Variants in MYO5C observed in about 807,000 individuals in gnomAD.
The protein encoded by MYO5C is myosin VC, also known as unconventional myosin-Vc.
MYO5C carries 194 observed loss-of-function variants against 235.7 expected under a neutral mutation model. That is an observed-to-expected ratio of 0.82 (90% CI 0.73 to 0.93). The LOEUF (loss-of-function observed/expected upper bound fraction) is 0.93. MYO5C is among the 40% of genes least tolerant of loss of function. The pLI is 0.00. For missense variants in MYO5C, 2,038 were observed against 2,127.2 expected, an observed-to-expected ratio of 0.96 and a Z score of 0.82; for synonymous variants, 707 against 754.8, an observed-to-expected ratio of 0.94 and a Z score of 1.04.
chr15:52,268,988 T>C (rs2036866264), intron 8 of MYO5C, among the ~76,000 whole-genome samples: 1 of 152,220 alleles, frequency 6.6e-6, no homozygotes, highest in Non-Finnish European at 1.5e-5. Flanking sequence ...GTTGTAGGGA[T>C]TGAATGAGTT....
chr15:52,243,593 A>G (rs55850227), intron 19 of MYO5C: 103,076 of 152,400 alleles, frequency 0.68, 38,625 homozygotes, highest in Non-Finnish European at 0.84. Flanking sequence ...AGGCTTGCAG[A>G]CGCAGCCTGA....
At chr15:52,216,906 G>A (rs183484240) in intron 32 of MYO5C, among the ~76,000 whole-genome samples, 1 of 152,308 alleles carries the variant, frequency 6.6e-6, no homozygotes, top group East Asian at 1.9e-4. Flanking sequence ...GCAGAGGCTG[G>A]AGTTACACTG....
At chr15:52,281,763 A>G (rs973311834) in intron 2 of MYO5C, among the ~76,000 whole-genome samples, 1 of 152,232 alleles carries the variant, frequency 6.6e-6, no homozygotes, top group African/African-American at 2.4e-5. Context: ...CGCTGTGTTC[A>G]TCTGCCTTCC....
Position 52,275,594 on chromosome 15 carries a change from C to G in MYO5C, c.574G>C (p.Asp192His). ...SKSGSNAHVE[D>H]KVLASNPITE... ...ATGGGATTGGATGCCAGGACCTTGTCTTCCACGTGAGCGTTGCTGCCCGAT... is the reference window on the plus strand; with the variant it reads ...ATGGGATTGGATGCCAGGACCTTGTGTTCCACGTGAGCGTTGCTGCCCGAT... Residue 192 changes from aspartate (D) to histidine (H), a missense_variant, in exon 5 of 41, where the codon GAC becomes CAC. Physicochemically the swap from Asp to His is moderately conservative, Grantham distance 81. Transcript: ENST00000261839. 2 of 1,614,228 alleles carry G rather than the reference C, an allele frequency of 1.2e-6. No homozygotes were observed. Among genetic ancestry groups the G allele is most frequent in the East Asian group, 4.5e-5 (2 of 44,888 alleles).
Position 52,246,934 on chromosome 15 carries a change from A to G in MYO5C, c.1962T>C (p.Asp654=). The G allele has an allele frequency of 6.2e-7, 1 of 1,613,924 alleles. No individual in the cohort carries two copies. Among genetic ancestry groups the G allele is most frequent in the Non-Finnish European group, 8.5e-7 (1 of 1,179,886 alleles). ...PHYVRCIKPN[D]EKLPFEFDSK... ...ACACTTACTCAAAGGGTAACTTCTC[A>G]TCATTTGGCTTGATGCATCGAACGT... is the stretch of plus-strand genomic sequence containing the variant. Residue 654 remains aspartate (D), a synonymous_variant, in exon 16 of 41, where the codon GAT becomes GAC. Coordinates refer to ENST00000261839, the MANE Select transcript of MYO5C (RefSeq NM_018728.4).
chr15:52,231,417 C>T (rs879158126), intron 24 of MYO5C, among the ~76,000 whole-genome samples: 1 of 152,166 alleles, frequency 6.6e-6, no homozygotes, highest in Admixed American at 6.5e-5. Flanking sequence ...CTCTCCAAGA[C>T]CCCTGCTTGA....
intron 35 of MYO5C, among the ~76,000 whole-genome samples, chr15:52,210,031 T>C (rs1390808062): frequency 6.6e-6 from 1 of 152,204 alleles, no homozygotes; most frequent in Non-Finnish European, 1.5e-5. Context: ...TGGTGTGATC[T>C]TGGCTTACTG....
intron 8 of MYO5C, among the ~76,000 whole-genome samples, chr15:52,266,117 A>G (rs2036805500): frequency 1.3e-5 from 2 of 152,254 alleles, no homozygotes. Context: ...TAAACCCCTT[A>G]AACTACTCCA....
In MYO5C at chr15:52,241,936, A is replaced by G. The variant is rs1158972995; in HGVS notation, c.2556+112T>C. 6.5e-6 allele frequency: 8 copies of G among 1,237,022 alleles called. No homozygotes were observed. The East Asian group carries it at 1.2e-4, about 18-fold the overall frequency. The allele number at this position is 1,237,022 out of a possible 1,614,324, so 76.6% of individuals were successfully genotyped here. Reference sequence around the variant, plus strand: ...GAATCTCCTTTCTGGCTTGGCTGACACTTTGTACAAAGTGAGGTTGCCCAT... The same window carrying G: ...GAATCTCCTTTCTGGCTTGGCTGACGCTTTGTACAAAGTGAGGTTGCCCAT... On this transcript the variant is annotated intron_variant, in intron 20 of 40. Coordinates refer to ENST00000261839, the MANE Select transcript of MYO5C (RefSeq NM_018728.4).
At chr15:52,245,815 C>T (rs1204772654) in intron 17 of MYO5C, 141 bp downstream of exon 17, 2 of 727,982 alleles carry the variant, frequency 2.7e-6, no homozygotes, top group Non-Finnish European at 4.7e-6. Context: ...TCTGGACTTC[C>T]ACAGGGCAGT....
intron 8 of MYO5C, among the ~76,000 whole-genome samples, chr15:52,266,689 A>T (rs117589434): frequency 6.6e-6 from 1 of 152,204 alleles, no homozygotes. Flanking sequence ...GGTAAGGTAT[A>T]TCTAAGCAGT....
chr15:52,228,109 G>T (rs2141296057), intron 25 of MYO5C, among the ~76,000 whole-genome samples: 1 of 152,032 alleles, frequency 6.6e-6, no homozygotes, highest in South Asian at 2.1e-4. Flanking sequence ...AATTGCCCAG[G>T]AATATTTATA....
chr15:52,244,418 G>T lies in MYO5C; in HGVS notation c.2328C>A (p.Phe776Leu). Residue 776 changes from phenylalanine to leucine, a missense_variant, in exon 19 of 41, where the codon TTC becomes TTA. Phe to Leu is a conservative substitution (Grantham distance 22). Transcript: ENST00000261839. ...TCAGGGCGGCTCGTCTCTCTCGGAG[G>T]AATTTTTTCCTCTGGAGCCAGCCAC... ...HMRGWLQRKK[F>L]LRERRAALII... The T allele has an allele frequency of 6.2e-7, 1 of 1,614,052 alleles. No homozygotes were observed. Among genetic ancestry groups the T allele is most frequent in the Non-Finnish European group, 8.5e-7 (1 of 1,180,016 alleles).
rs552078215 is a variant in MYO5C, at chr15:52,269,138, C to T, written c.940+615G>A. Among the ~76,000 whole-genome samples the T allele has an allele frequency of 2.6e-5, 4 of 152,310 alleles. No homozygotes were observed. In the East Asian group the frequency reaches 7.7e-4, roughly 29 times the overall value. On this transcript the variant is annotated intron_variant, in intron 8 of 40. Transcript: ENST00000261839. ...GTTCCACTTCTGAACCGAATTGGAC[C>T]TTGGCTTTACCAGTCATTCTTGTAC...
chr15:52,283,537 C>T (rs1445792935), intron 1 of MYO5C, among the ~76,000 whole-genome samples: 1 of 152,144 alleles, frequency 6.6e-6, no homozygotes, highest in African/African-American at 2.4e-5. Context: ...TTAGGTAGAA[C>T]CACGTTGCTG....
At chr15:52,238,985 CTT>C (rs564421776) in intron 21 of MYO5C, among the ~76,000 whole-genome samples, 212 of 131,462 alleles carry the variant, frequency 1.6e-3, no homozygotes, top group African/African-American at 6.0e-3. Flanking sequence ...GAGTTTTGCT[CTT>C]GTTGCCCAGG....
intron 30 of MYO5C, among the ~76,000 whole-genome samples, chr15:52,220,041 T>C (rs547658571): frequency 6.6e-6 from 1 of 152,178 alleles, no homozygotes; most frequent in African/African-American, 2.4e-5. Context: ...TGCAAAAAAA[T>C]CTCATGTTTT....
chr15:52,280,963 C>T (rs767317907), intron 2 of MYO5C, among the ~76,000 whole-genome samples: 1 of 152,196 alleles, frequency 6.6e-6, no homozygotes, highest in Non-Finnish European at 1.5e-5. Flanking sequence ...CAACTGGACA[C>T]GGATGCTCAG....
At chr15:52,263,081 G>C (rs963561998) in intron 9 of MYO5C, among the ~76,000 whole-genome samples, 4 of 152,150 alleles carry the variant, frequency 2.6e-5, no homozygotes, top group African/African-American at 9.7e-5. Context: ...AACCGACCAG[G>C]CTGACACTCT....
Sources: allele counts gnomAD v4.1 joint callset (sites outside exome capture counted in the v4.1 genomes callset), GRCh38; gene constraint gnomAD v4.1.1; transcripts MANE v1.5; gene names NCBI Gene and HGNC (gene_info 2026-07-23, HGNC 2026-07-21).